VPS37A: variants seen among roughly 807,000 people sequenced by gnomAD.
VPS37A encodes the protein vacuolar protein sorting-associated protein 37A.
Under a neutral mutation model 49.8 loss-of-function variants are expected in VPS37A, and 30 were observed. That is an observed-to-expected ratio of 0.60 (90% CI 0.45 to 0.82). The LOEUF is 0.82. Among genes scored for constraint, VPS37A ranks in the 40% least tolerant of loss-of-function variants. The pLI is 0.00. For synonymous variants in VPS37A, 195 were observed against 160.6 expected (o/e 1.21, Z -1.62); for missense variants, 593 against 464.4 (o/e 1.28, Z -2.55).
Position 17,297,274 on chromosome 8 carries a change from C to A in VPS37A, c.*2288C>A, listed in dbSNP as rs1816735773. ...CTTAAAATAGAAGAAAATTCTAAAT[C>A]AATCAATCAGTGAGATATAAACTAA... is the stretch of plus-strand genomic sequence containing the variant. On this transcript the variant is annotated 3_prime_UTR_variant, in exon 12 of 12. Coordinates refer to ENST00000324849, the MANE Select transcript of VPS37A (RefSeq NM_152415.3). 6.6e-6 allele frequency: 1 copy of A among 151,970 alleles called. No individual in the cohort carries two copies. The highest frequency in any genetic ancestry group is 1.5e-5 in the Non-Finnish European group (1 of 67,926). The allele number at this position is 151,970 out of a possible 1,614,324, so 9.4% of individuals were successfully genotyped here.
the VPS37A span, among the ~76,000 whole-genome samples, chr8:17,324,278 G>A: frequency 1.3e-5 from 2 of 152,210 alleles, no homozygotes; most frequent in African/African-American, 4.8e-5. Context: ...GAGCGTCTGC[G>A]ATAAATGTCC....
chr8:17,318,288 C>T, the VPS37A span, among the ~76,000 whole-genome samples: 1 of 152,096 alleles, frequency 6.6e-6, no homozygotes, highest in Non-Finnish European at 1.5e-5. Context: ...AGACGTACAC[C>T]AAATGCTGCT....
chr8:17,296,600 C>A lies in VPS37A; in HGVS notation c.*1614C>A, dbSNP rs1053953723. On this transcript the variant is annotated 3_prime_UTR_variant, in exon 12 of 12. Coordinates refer to ENST00000324849, the MANE Select transcript of VPS37A (RefSeq NM_152415.3). ...TATCCCATAACAAGGGAGGAGCATA[C>A]CACAGCCCCTCATTTGATTAATTCA... The A allele has an allele frequency of 1.3e-5, 2 of 152,086 alleles. No homozygotes were observed. The highest frequency in any genetic ancestry group is 6.6e-5 in the Admixed American group (1 of 15,256). The allele number at this position is 152,086 out of a possible 1,614,324, so 9.4% of individuals were successfully genotyped here.
intron 9 of VPS37A, 34 bp downstream of exon 9, chr8:17,280,477 A>T: frequency 4.7e-6 from 7 of 1,476,752 alleles, no homozygotes; most frequent in Non-Finnish European, 6.4e-6. Flanking sequence ...TTTGCCATAG[A>T]TTTTTTTTTT....
intron 1 of VPS37A, chr8:17,248,054 T>G (rs997851743): frequency 5.2e-5 from 23 of 439,420 alleles, no homozygotes; most frequent in Non-Finnish European, 2.5e-5. Flanking sequence ...CATGGTCAGT[T>G]TAGAAATATT....
chr8:17,247,203 G>GC lies in VPS37A; in HGVS notation c.-40dup, dbSNP rs779360594. 2.3e-5 allele frequency: 36 copies of GC among 1,557,742 alleles called. No homozygotes were observed. In the East Asian group the frequency reaches 8.0e-4, roughly 34 times the overall value. On this transcript the variant is annotated 5_prime_UTR_variant, in exon 1 of 12. Transcript: ENST00000324849. ...CGGGCCGAGCCACTGGGAGAAGCAG[G>GC]CCAGAGCCTTCCAGGGCCTCCGGCC...
chr8:17,315,111 C>T, the VPS37A span, among the ~76,000 whole-genome samples: 1 of 152,126 alleles, frequency 6.6e-6, no homozygotes, highest in Non-Finnish European at 1.5e-5. Context: ...AATATTTAAA[C>T]ATATGAAGTT....
At chr8:17,323,217 G>C in the VPS37A span, among the ~76,000 whole-genome samples, 1 of 151,990 alleles carries the variant, frequency 6.6e-6, no homozygotes, top group Non-Finnish European at 1.5e-5. Context: ...ACAGTGCTGA[G>C]ATTACAGGTA....
chr8:17,303,750 C>G (rs1338697934), downstream of VPS37A, among the ~76,000 whole-genome samples: 1 of 152,066 alleles, frequency 6.6e-6, no homozygotes, highest in Admixed American at 6.6e-5. Flanking sequence ...GCTAGGATTA[C>G]AGGCGCTCAC....
the VPS37A span, among the ~76,000 whole-genome samples, chr8:17,307,641 G>T: frequency 2.0e-5 from 3 of 152,130 alleles, no homozygotes; most frequent in Non-Finnish European, 2.9e-5. Flanking sequence ...CAACCTATAT[G>T]TCCAACAACA....
chr8:17,247,562 C>G lies in VPS37A; in HGVS notation c.125+193C>G, dbSNP rs182516741. 7.9e-4 allele frequency: 619 copies of G among 787,740 alleles called. 4 individuals are homozygous for G. The African/African-American group carries it at 9.4e-3, about 12-fold the overall frequency. The allele number at this position is 787,740 out of a possible 1,614,324, so 48.8% of individuals were successfully genotyped here. On this transcript the variant is annotated intron_variant, in intron 1 of 11. Transcript: ENST00000324849. ...GTTTTCCTCCGGACCCTCCCTGCCTCCTGCCGCACCACTGCTCAGCGCTTC... is the reference window on the plus strand; with the variant it reads ...GTTTTCCTCCGGACCCTCCCTGCCTGCTGCCGCACCACTGCTCAGCGCTTC...
Position 17,284,550 on chromosome 8 carries a change from A to G in VPS37A, c.1047A>G (p.Ala349=). Residue 349 remains alanine, a synonymous_variant, in exon 10 of 12, where the codon GCA becomes GCG. Coordinates refer to ENST00000324849, the MANE Select transcript of VPS37A (RefSeq NM_152415.3). ...HEAEEESDNI[A]EDFLEGKMEI... Reference sequence around the variant, plus strand: ...CTGAGGAAGAATCTGATAATATTGCAGAAGACTTCTTGGAGGGAAAGATGG... The same window carrying G: ...CTGAGGAAGAATCTGATAATATTGCGGAAGACTTCTTGGAGGGAAAGATGG... 6.2e-7 allele frequency: 1 copy of G among 1,601,832 alleles called. No individual in the cohort carries two copies. The highest frequency in any genetic ancestry group is 1.1e-5 in the South Asian group (1 of 88,454).
chr8:17,312,164 C>G, the VPS37A span, among the ~76,000 whole-genome samples: 1 of 152,216 alleles, frequency 6.6e-6, no homozygotes, highest in African/African-American at 2.4e-5. Context: ...TTTGCTATTG[C>G]AAATGCACAT....
At chr8:17,257,926 T>C (rs1374878206) in intron 1 of VPS37A, among the ~76,000 whole-genome samples, 1 of 152,182 alleles carries the variant, frequency 6.6e-6, no homozygotes, top group Non-Finnish European at 1.5e-5. Flanking sequence ...TACTTTTTTC[T>C]TTAGATTGTT....
At chr8:17,303,705 G>GTTCAAGTGA (rs1264554655), downstream of VPS37A, among the ~76,000 whole-genome samples, 1 of 151,424 alleles carries the variant, frequency 6.6e-6, no homozygotes, top group Middle Eastern at 3.2e-3. Context: ...CTCCTCCCTG[G>GTTCAAGTGA]TTCAAGTGAT....
chr8:17,273,966 A>T (rs922421941), intron 4 of VPS37A, among the ~76,000 whole-genome samples: 3 of 152,170 alleles, frequency 2.0e-5, no homozygotes, highest in African/African-American at 7.2e-5. Flanking sequence ...AGAGTGCCTG[A>T]TCCATATAAA....
At chr8:17,266,005 T>A in intron 2 of VPS37A, 24 bp downstream of exon 2, 1 of 1,587,856 alleles carries the variant, frequency 6.3e-7, no homozygotes, top group Non-Finnish European at 8.6e-7. Flanking sequence ...TATCCTACTT[T>A]TTCATGTAAA....
chr8:17,316,320 CTTT>C, the VPS37A span, among the ~76,000 whole-genome samples: 4 of 151,806 alleles, frequency 2.6e-5, no homozygotes, highest in South Asian at 2.1e-4. Flanking sequence ...TTTTATCCAA[CTTT>C]TTTTAGATAT....
the VPS37A span, chr8:17,313,506 G>A: frequency 1.5e-6 from 1 of 686,466 alleles, no homozygotes; most frequent in Non-Finnish European, 2.4e-6. Flanking sequence ...GTTGTATTAG[G>A]TATTTTCTGG....
Sources: gnomAD v4.1 joint callset for allele counts (sites outside exome capture counted in the v4.1 genomes callset) on GRCh38, gnomAD v4.1.1 for gene constraint, MANE v1.5 for transcripts, NCBI Gene and HGNC (gene_info 2026-07-23, HGNC 2026-07-21) for gene names.